Variants in BBS9 observed in about 807,000 individuals in gnomAD.
The protein encoded by BBS9 is protein PTHB1.
In BBS9, 89 loss-of-function variants were observed where a neutral mutation model predicts 117.7. The observed-to-expected ratio is 0.76, with a 90% CI of 0.64 to 0.90. The LOEUF (loss-of-function observed/expected upper bound fraction) is 0.90, where lower values mean the gene tolerates loss of function less well. Among genes scored for constraint, BBS9 ranks in the 40% least tolerant of loss-of-function variants. The pLI, the probability that BBS9 is intolerant of heterozygous loss-of-function variation, is 0.00. For synonymous variants in BBS9, 379 were observed against 370.9 expected (o/e 1.02, Z -0.25); for missense variants, 982 against 1,042.2 (o/e 0.94, Z 0.80).
At chr7:33,274,042 T>A (rs886233093) in intron 9 of BBS9, 86 bp downstream of exon 9, 1 of 1,464,126 alleles carries the variant, frequency 6.8e-7, no homozygotes, top group African/African-American at 1.4e-5. Flanking sequence ...GACAAGTGAT[T>A]TTATTAAAAA....
At position 33,489,542 on chromosome 7, in the gene BBS9, C is replaced by T. The variant is rs1409469189; in HGVS notation, c.2116-15921C>T. ...ACTAAGAGGAGACTGCTCAACTTAC[C>T]ATTCTCAGATTCTGCCAGAATCAAC... On this transcript the variant is annotated intron_variant, in intron 19 of 22. Coordinates refer to ENST00000242067, the MANE Select transcript of BBS9 (RefSeq NM_198428.3). Among the ~76,000 whole-genome samples, 3 of 152,004 alleles carry T rather than the reference C, an allele frequency of 2.0e-5. No homozygotes were observed. In the East Asian group the frequency reaches 5.8e-4, roughly 29 times the overall value.
intron 21 of BBS9, among the ~76,000 whole-genome samples, chr7:33,553,595 G>C (rs144372682): frequency 1.8e-3 from 268 of 152,110 alleles, no homozygotes; most frequent in African/African-American, 6.3e-3. Context: ...CAATTGTACT[G>C]TGGCCTCTTA....
rs76983967 is a variant in BBS9 at position 33,351,482 on chromosome 7, A to T, written c.1537+159A>T. The T allele has an allele frequency of 0.077, 52,501 of 685,304 alleles. 2,410 individuals are homozygous for T. The highest frequency in any genetic ancestry group is 0.13 in the South Asian group (8,424 of 64,660). The allele number at this position is 685,304 out of a possible 1,614,324, so 42.5% of individuals were successfully genotyped here. On this transcript the variant is annotated intron_variant, in intron 14 of 22. Coordinates refer to ENST00000242067, the MANE Select transcript of BBS9 (RefSeq NM_198428.3). ...CATGTTTTCATTACTTTTATGTGTT[A>T]TGAGTAGTTCGTGATAAGGCTATTT...
At position 33,383,800 on chromosome 7, in the gene BBS9, C is replaced by T. The variant is rs1825522597; in HGVS notation, c.1924C>T (p.Leu642Phe). ...FACSFSGSIP[L>F]QEYFELIDHH... Reference sequence around the variant, plus strand: ...ATGTTCTTTTTCGGGATCTATACCCCTTCAAGAATATTTTGAGTTGATTGA... The same window carrying T: ...ATGTTCTTTTTCGGGATCTATACCCTTTCAAGAATATTTTGAGTTGATTGA... Residue 642 changes from leucine to phenylalanine, a missense_variant, in exon 18 of 23, where the codon CTT becomes TTT. Leu to Phe is a conservative substitution (Grantham distance 22). Transcript: ENST00000242067. 1.9e-6 allele frequency: 3 copies of T among 1,612,462 alleles called. No homozygotes were observed. Among genetic ancestry groups the T allele is most frequent in the Non-Finnish European group, 2.5e-6 (3 of 1,179,882 alleles).
intron 5 of BBS9, among the ~76,000 whole-genome samples, chr7:33,251,847 C>T (rs1452649250): frequency 6.6e-6 from 1 of 152,176 alleles, no homozygotes; most frequent in Non-Finnish European, 1.5e-5. Context: ...TAGAGGCAGC[C>T]ACTTGGACTT....
intron 5 of BBS9, among the ~76,000 whole-genome samples, chr7:33,229,306 T>A (rs1475284725): frequency 6.6e-6 from 1 of 150,694 alleles, no homozygotes; most frequent in African/African-American, 2.4e-5. Context: ...ATTGTACATA[T>A]CTGCTACTTT....
At chr7:33,322,276 GT>G (rs1289167155) in intron 9 of BBS9, among the ~76,000 whole-genome samples, 1 of 145,354 alleles carries the variant, frequency 6.9e-6, no homozygotes, top group Non-Finnish European at 1.5e-5. Context: ...CTGTTTTTTT[GT>G]AATAATTTAA....
intron 21 of BBS9, among the ~76,000 whole-genome samples, chr7:33,570,457 C>T (rs1423592678): frequency 2.0e-5 from 3 of 152,056 alleles, no homozygotes; most frequent in Non-Finnish European, 2.9e-5. Context: ...GACAGCTATT[C>T]CTTACAGTAA....
intron 11 of BBS9, among the ~76,000 whole-genome samples, chr7:33,343,916 T>C (rs79771256): frequency 0.07 from 10,644 of 152,156 alleles, 418 homozygotes; most frequent in African/African-American, 0.088. Context: ...TACAGGGACC[T>C]GAAAGAATGG....
intron 5 of BBS9, among the ~76,000 whole-genome samples, chr7:33,196,515 T>TCA (rs1294963981): frequency 6.6e-6 from 1 of 152,200 alleles, no homozygotes; most frequent in African/African-American, 2.4e-5. Context: ...GCTGTTTTCC[T>TCA]CACAGGGAAT....
chr7:33,349,992 T>C (rs1056437657), intron 13 of BBS9, among the ~76,000 whole-genome samples: 27 of 152,164 alleles, frequency 1.8e-4, no homozygotes, highest in African/African-American at 6.5e-4. Context: ...GATTAAAAAG[T>C]AAATCTATAA....
chr7:33,193,498 C>G (rs1360996231), intron 5 of BBS9, among the ~76,000 whole-genome samples: 1 of 146,176 alleles, frequency 6.8e-6, no homozygotes, highest in Non-Finnish European at 1.5e-5. Flanking sequence ...AGCAATCAAG[C>G]TTAGCTTGGC....
intron 17 of BBS9, among the ~76,000 whole-genome samples, chr7:33,375,228 A>G (rs1375322606): frequency 2.0e-5 from 3 of 152,192 alleles, no homozygotes; most frequent in African/African-American, 4.8e-5. Context: ...TGAAGTGGTT[A>G]TTTCCACTGA....
At chr7:33,275,652 G>T (rs370903912) in intron 9 of BBS9, among the ~76,000 whole-genome samples, 1 of 152,150 alleles carries the variant, frequency 6.6e-6, no homozygotes, top group Non-Finnish European at 1.5e-5. Context: ...TGGGGTTTTG[G>T]TGTGTATTTT....
chr7:33,528,805 C>T (rs1271406418), intron 20 of BBS9, among the ~76,000 whole-genome samples: 1 of 152,212 alleles, frequency 6.6e-6, no homozygotes, highest in African/African-American at 2.4e-5. Flanking sequence ...GGACAGCTAT[C>T]ATCAACTCAA....
intron 21 of BBS9, among the ~76,000 whole-genome samples, chr7:33,578,656 C>T (rs1484473769): frequency 2.0e-5 from 3 of 152,172 alleles, no homozygotes; most frequent in Non-Finnish European, 4.4e-5. Flanking sequence ...CTGCCACACA[C>T]AGCCTGAAAA....
intron 19 of BBS9, among the ~76,000 whole-genome samples, chr7:33,398,933 C>T (rs1472375964): frequency 6.6e-6 from 1 of 152,140 alleles, no homozygotes; most frequent in Non-Finnish European, 1.5e-5. Context: ...CCGCCTTGGC[C>T]TCCCAAAATG....
chr7:33,412,140 A>C (rs1831250911), intron 19 of BBS9, among the ~76,000 whole-genome samples: 1 of 152,198 alleles, frequency 6.6e-6, no homozygotes, highest in African/African-American at 2.4e-5. Flanking sequence ...GTATTTTTGT[A>C]ATAGAACCCA....
intron 19 of BBS9, among the ~76,000 whole-genome samples, chr7:33,468,717 GATC>G (rs779592032): frequency 3.3e-5 from 5 of 152,002 alleles, no homozygotes; most frequent in African/African-American, 4.8e-5. Context: ...ACCTCCATCA[GATC>G]AACTTTTTTA....
Sources: allele counts gnomAD v4.1 joint callset (sites outside exome capture counted in the v4.1 genomes callset), GRCh38; gene constraint gnomAD v4.1.1; transcripts MANE v1.5; gene names NCBI Gene and HGNC (gene_info 2026-07-23, HGNC 2026-07-21).